Variants in KCNMA1 observed in about 807,000 individuals in gnomAD.
KCNMA1 encodes potassium calcium-activated channel subfamily M alpha 1, also known as Calcium-activated potassium channel subunit alpha-1.
In KCNMA1, 29 loss-of-function variants were observed where a neutral mutation model predicts 140.0. That is an observed-to-expected ratio of 0.21 (90% confidence interval 0.15 to 0.28). The LOEUF is 0.28. Among genes scored for constraint, KCNMA1 ranks in the 10% least tolerant of loss-of-function variants. The probability of loss-of-function intolerance (pLI) is 1.00; values close to 1 mark genes in which losing one functional copy is unlikely to be tolerated. For missense variants in KCNMA1, 880 were observed against 1,602.2 expected (o/e 0.55, Z 7.70); for synonymous variants, 612 against 611.9 (o/e 1.00, Z 0.00).
chr10:77,375,045 A>AAT (rs2094987103), intron 2 of KCNMA1, among the ~76,000 whole-genome samples: 1 of 151,870 alleles, frequency 6.6e-6, no homozygotes, highest in Non-Finnish European at 1.5e-5. Flanking sequence ...GTCATCCAAA[A>AAT]ACAGTTATGG....
rs184369210 is a variant in KCNMA1, at chr10:77,374,006, T to C, written c.540+29856A>G. Among the ~76,000 whole-genome samples the C allele has an allele frequency of 1.7e-3, 259 of 152,186 alleles. 2 individuals carry two copies. Among genetic ancestry groups the C allele is most frequent in the African/African-American group, 6.0e-3 (250 of 41,528 alleles). On this transcript the variant is annotated intron_variant, in intron 2 of 27. Transcript: ENST00000286628. ...TGTGGGAAGGGTGGATAATGGGAGA[T>C]GAGATGAAAAAGATTGATTGGTCTT...
chr10:77,634,668 T>C (rs1050275233), intron 1 of KCNMA1: 12 of 985,128 alleles, frequency 1.2e-5, no homozygotes, highest in Non-Finnish European at 1.4e-5. Context: ...CTATGTTTTC[T>C]TGGGAAATCT....
chr10:76,934,751 A>G (rs2060113720), intron 23 of KCNMA1, among the ~76,000 whole-genome samples: 1 of 152,110 alleles, frequency 6.6e-6, no homozygotes, highest in Non-Finnish European at 1.5e-5. Context: ...GGATTACAAG[A>G]CTTCCTTTAC....
intron 1 of KCNMA1, among the ~76,000 whole-genome samples, chr10:77,465,947 G>C (rs2097996237): frequency 6.6e-6 from 1 of 151,180 alleles, no homozygotes; most frequent in South Asian, 2.1e-4. Context: ...AGGGAAAGAA[G>C]AGATCCAAAT....
chr10:77,581,507 G>A (rs971944901), intron 1 of KCNMA1, among the ~76,000 whole-genome samples: 4 of 152,206 alleles, frequency 2.6e-5, no homozygotes, highest in South Asian at 2.1e-4. Context: ...GGGTTTCACC[G>A]TGTTAGCCAG....
At chr10:77,589,086 C>T (rs1253540026) in intron 1 of KCNMA1, among the ~76,000 whole-genome samples, 3 of 152,214 alleles carry the variant, frequency 2.0e-5, no homozygotes, top group Non-Finnish European at 4.4e-5. Flanking sequence ...TCCAATAAAA[C>T]TTTATTTACA....
intron 1 of KCNMA1, among the ~76,000 whole-genome samples, chr10:77,576,009 G>T (rs2073953158): frequency 6.6e-6 from 1 of 152,204 alleles, no homozygotes; most frequent in South Asian, 2.1e-4. Flanking sequence ...TCTAGCCTTA[G>T]GCTTCTCAGC....
chr10:77,636,869 C>T, intron 1 of KCNMA1: 1 of 1,430,180 alleles, frequency 7.0e-7, no homozygotes, highest in Non-Finnish European at 9.1e-7. Flanking sequence ...CGAGCCCCGG[C>T]AGGTGAGCGG....
chr10:77,314,923 AACACACACACAC>A (rs3998084), intron 2 of KCNMA1, among the ~76,000 whole-genome samples: 44,660 of 146,262 alleles, frequency 0.31, 7,030 homozygotes, highest in Non-Finnish European at 0.37. Flanking sequence ...CCACACCCCC[AACACACACACAC>A]ACACACACAC....
At chr10:77,469,195 G>A (rs1161907866) in intron 1 of KCNMA1, among the ~76,000 whole-genome samples, 3 of 152,052 alleles carry the variant, frequency 2.0e-5, no homozygotes, top group African/African-American at 7.2e-5. Context: ...TAGGAACCCC[G>A]CTACTCCTTG....
At chr10:77,222,405 G>A (rs1403274293) in intron 3 of KCNMA1, among the ~76,000 whole-genome samples, 1 of 152,120 alleles carries the variant, frequency 6.6e-6, no homozygotes, top group Non-Finnish European at 1.5e-5. Context: ...AACATAATGT[G>A]ATAAGCAAAG....
intron 1 of KCNMA1, among the ~76,000 whole-genome samples, chr10:77,556,852 C>T (rs916572991): frequency 6.6e-6 from 1 of 152,196 alleles, no homozygotes; most frequent in Admixed American, 6.5e-5. Flanking sequence ...GGCATTTCCT[C>T]AGCTCCAGCC....
chr10:77,429,819 T>G (rs1395439630), intron 1 of KCNMA1, among the ~76,000 whole-genome samples: 1 of 152,152 alleles, frequency 6.6e-6, no homozygotes. Context: ...TGTATATATA[T>G]GATATATCAG....
intron 23 of KCNMA1, among the ~76,000 whole-genome samples, chr10:76,925,234 T>G (rs2057324673): frequency 6.6e-6 from 1 of 152,252 alleles, no homozygotes; most frequent in Non-Finnish European, 1.5e-5. Context: ...CCCACTGGAC[T>G]TCCCAATTTC....
chr10:77,295,426 T>C (rs2074634847), intron 2 of KCNMA1, among the ~76,000 whole-genome samples: 1 of 151,826 alleles, frequency 6.6e-6, no homozygotes, highest in Non-Finnish European at 1.5e-5. Context: ...CGCATATATG[T>C]GTGCACATAC....
At chr10:77,351,017 T>C (rs1400971553) in intron 2 of KCNMA1, among the ~76,000 whole-genome samples, 1 of 152,238 alleles carries the variant, frequency 6.6e-6, no homozygotes, top group East Asian at 1.9e-4. Flanking sequence ...AGCCAAGATG[T>C]CATTTGAACA....
At chr10:77,125,751 T>C (rs778482510) in intron 5 of KCNMA1, among the ~76,000 whole-genome samples, 1 of 152,248 alleles carries the variant, frequency 6.6e-6, no homozygotes, top group Non-Finnish European at 1.5e-5. Context: ...GAACATAGTG[T>C]CTGGCATAAG....
chr10:77,210,842 G>T (rs1002715590), intron 3 of KCNMA1, among the ~76,000 whole-genome samples: 61 of 152,152 alleles, frequency 4.0e-4, no homozygotes, highest in African/African-American at 1.4e-3. Flanking sequence ...AAATACCTAG[G>T]AGCACAGCTA....
At chr10:77,528,661 G>A (rs2056672773) in intron 1 of KCNMA1, among the ~76,000 whole-genome samples, 1 of 151,270 alleles carries the variant, frequency 6.6e-6, no homozygotes, top group East Asian at 2.0e-4. Flanking sequence ...GTACACAAGT[G>A]TTCATAGCAG....
Sources: allele counts gnomAD v4.1 joint callset (sites outside exome capture counted in the v4.1 genomes callset), GRCh38; gene constraint gnomAD v4.1.1; transcripts MANE v1.5; gene names NCBI Gene and HGNC (gene_info 2026-07-23, HGNC 2026-07-21).